POLR1F: variants seen among roughly 807,000 people sequenced by gnomAD.
POLR1F encodes the protein RNA polymerase I subunit F, also known as DNA-directed RNA polymerase I subunit RPA43.
In POLR1F, 23 loss-of-function variants were observed where a neutral mutation model predicts 21.8. The ratio of observed to expected loss-of-function variants is 1.05; its 90% CI spans 0.76 to 1.49. POLR1F has a LOEUF of 1.49. POLR1F is among the 40% of genes most tolerant of loss of function. POLR1F has a pLI of 0.00. For synonymous variants in POLR1F, 162 were observed against 152.8 expected (o/e 1.06, Z -0.45); for missense variants, 435 against 412.1 (o/e 1.06, Z -0.48).
At position 19,700,249 on chromosome 7, in the gene POLR1F, A is replaced by G; in HGVS notation, c.428T>C (p.Ile143Thr). The change falls in exon 3 of 4, where the codon ATT becomes ACT. Residue 143 changes from isoleucine (I) to threonine (T), a missense_variant. Physicochemically the swap from Ile to Thr is moderately conservative, Grantham distance 89. Coordinates refer to ENST00000222567, the MANE Select transcript of POLR1F (RefSeq NM_001002926.2). ...GAAACACCCATGTACTAAACAGCCA[A>G]TGTGGCTAGAAGACACTTTATTAAC... Reference protein sequence around the residue: ...GIVNKVSSSHIGCLVHGCFNA... With the variant: ...GIVNKVSSSHTGCLVHGCFNA... The G allele has an allele frequency of 6.8e-6, 11 of 1,613,828 alleles. No individual in the cohort carries two copies. The highest frequency in any genetic ancestry group is 1.1e-5 in the South Asian group (1 of 91,086).
chr7:19,696,237 C>T lies in POLR1F; in HGVS notation c.*2079G>A, dbSNP rs557718121. ...AAACAATGAACAAAGTTATGCTATT[C>T]TAGGAAAGACAAATGGCCAGATCTG... On this transcript the variant is annotated 3_prime_UTR_variant, in exon 4 of 4. Transcript: ENST00000222567. 2.6e-5 allele frequency: 4 copies of T among 152,030 alleles called. No homozygotes were observed. The highest frequency in any genetic ancestry group is 5.9e-5 in the Non-Finnish European group (4 of 67,934). The allele number at this position is 152,030 out of a possible 1,614,324, so 9.4% of individuals were successfully genotyped here.
chr7:19,702,787 T>C (rs954369675), intron 2 of POLR1F, among the ~76,000 whole-genome samples: 24 of 151,958 alleles, frequency 1.6e-4, no homozygotes, highest in African/African-American at 5.3e-4. Flanking sequence ...ATATGAAAAA[T>C]TGCTTATGAG....
chr7:19,708,939 C>G lies in POLR1F; in HGVS notation c.78G>C (p.Leu26=). 1 of 1,613,160 alleles carries G rather than the reference C, an allele frequency of 6.2e-7. No homozygotes were observed. The highest frequency in any genetic ancestry group is 1.1e-5 in the South Asian group (1 of 91,076). ...DGSLVGQAGV[L]PCLELPTYAA... The stretch of plus-strand genomic sequence containing the variant: ...CATAAGTCGGCAACTCTAGGCAAGG[C>G]AGGACGCCAGCCTGCCCTACCAGAG... The change falls in exon 1 of 4, where the codon CTG becomes CTC. Residue 26 remains leucine (L), a synonymous_variant. Transcript: ENST00000222567.
chr7:19,707,360 C>A (rs1217267798), intron 1 of POLR1F, among the ~76,000 whole-genome samples: 1 of 152,084 alleles, frequency 6.6e-6, no homozygotes, highest in African/African-American at 2.4e-5. Context: ...AAAGGAAAAA[C>A]AACAACAACC....
In POLR1F at chr7:19,697,175, G is replaced by C. The variant is rs562034313; in HGVS notation, c.*1141C>G. ...TGCAGATACTAACACAGGTAACAGT[G>C]AGTGAACAATCCTCCCCCTTTTTTT... is the stretch of plus-strand genomic sequence containing the variant. On this transcript the variant is annotated 3_prime_UTR_variant, in exon 4 of 4. Coordinates refer to ENST00000222567, the MANE Select transcript of POLR1F (RefSeq NM_001002926.2). 6.6e-6 allele frequency: 1 copy of C among 152,206 alleles called. No homozygotes were observed. The highest frequency in any genetic ancestry group is 2.1e-4 in the South Asian group (1 of 4,824). 9.4% of individuals were successfully genotyped at this position (152,206 alleles called of 1,614,324 possible).
At chr7:19,705,720 T>G (rs1006545033) in intron 1 of POLR1F, among the ~76,000 whole-genome samples, 49 of 152,192 alleles carry the variant, frequency 3.2e-4, no homozygotes, top group African/African-American at 1.1e-3. Flanking sequence ...TTTCAAACTG[T>G]TATTTCTTAG....
rs138273733 is a variant in POLR1F, at chr7:19,697,481, C to G, written c.*835G>C. On this transcript the variant is annotated 3_prime_UTR_variant, in exon 4 of 4. Transcript: ENST00000222567. ...ACATTTTCTCAATGAAAGCAGTGAA[C>G]AGAACAACTGTTTTCTCTTCAGCAC... The G allele has an allele frequency of 6.6e-6, 1 of 152,088 alleles. No homozygotes were observed. The highest frequency in any genetic ancestry group is 2.4e-5 in the African/African-American group (1 of 41,422). 9.4% of individuals were successfully genotyped at this position (152,088 alleles called of 1,614,324 possible). A position where few individuals can be genotyped will look rare whatever the true frequency, so the allele number is the denominator to read the frequency against.
At chr7:19,705,588 A>G (rs1343809910) in intron 1 of POLR1F, among the ~76,000 whole-genome samples, 1 of 152,244 alleles carries the variant, frequency 6.6e-6, no homozygotes, top group Non-Finnish European at 1.5e-5. Context: ...ATGACTTAAT[A>G]GAGAAAATCC....
rs1042470062 is a variant in POLR1F, at chr7:19,696,429, T to C, written c.*1887A>G. 1.3e-5 allele frequency: 2 copies of C among 152,074 alleles called. No individual in the cohort carries two copies. The highest frequency in any genetic ancestry group is 1.3e-4 in the Admixed American group (2 of 15,264). The allele number at this position is 152,074 out of a possible 1,614,324, so 9.4% of individuals were successfully genotyped here. On this transcript the variant is annotated 3_prime_UTR_variant, in exon 4 of 4. Transcript: ENST00000222567. ...TTATTTGCTAAGCCACAATGTATTTTTCCAGGAATAGCATAAATTTGCCAT... is the reference window on the plus strand; with the variant it reads ...TTATTTGCTAAGCCACAATGTATTTCTCCAGGAATAGCATAAATTTGCCAT...
chr7:19,705,150 G>T (rs1783503910), intron 1 of POLR1F, among the ~76,000 whole-genome samples: 1 of 152,046 alleles, frequency 6.6e-6, no homozygotes, highest in Admixed American at 6.6e-5. Context: ...TTTTCATACT[G>T]ATTAGATATT....
intron 1 of POLR1F, 47 bp downstream of exon 1, chr7:19,708,716 C>CT: frequency 6.4e-7 from 1 of 1,574,784 alleles, no homozygotes; most frequent in Non-Finnish European, 8.7e-7. Context: ...CATCCACCTG[C>CT]TTTACTTCCC....
chr7:19,698,265 T>C lies in POLR1F; in HGVS notation c.*51A>G, dbSNP rs773650523. The C allele has an allele frequency of 9.8e-6, 14 of 1,435,570 alleles. No homozygotes were observed. The highest frequency in any genetic ancestry group is 1.1e-5 in the Non-Finnish European group (12 of 1,088,378). 88.9% of individuals were successfully genotyped at this position (1,435,570 alleles called of 1,614,324 possible). On this transcript the variant is annotated 3_prime_UTR_variant, in exon 4 of 4. Transcript: ENST00000222567. Reference sequence around the variant, plus strand: ...TCATATCACTGAAAACATTTATTCATCTATTGTATGTAGATCGATCTTTTA... The same window carrying C: ...TCATATCACTGAAAACATTTATTCACCTATTGTATGTAGATCGATCTTTTA...
At position 19,698,220 on chromosome 7, in the gene POLR1F, T is replaced by C. The variant is rs1783398160; in HGVS notation, c.*96A>G. The C allele has an allele frequency of 1.2e-5, 14 of 1,158,232 alleles. No homozygotes were observed. In the South Asian group the frequency reaches 3.4e-4, roughly 28 times the overall value. The allele number at this position is 1,158,232 out of a possible 1,614,324, so 71.7% of individuals were successfully genotyped here. A position where few individuals can be genotyped will look rare whatever the true frequency, so the allele number is the denominator to read the frequency against. The stretch of plus-strand genomic sequence containing the variant: ...GTTAAGTATTTTCTGTTTTGTAAAC[T>C]ACTGGCATACTTAACCTTTTCATAT... On this transcript the variant is annotated 3_prime_UTR_variant, in exon 4 of 4. Coordinates refer to ENST00000222567, the MANE Select transcript of POLR1F (RefSeq NM_001002926.2).
At position 19,698,122 on chromosome 7, in the gene POLR1F, A is replaced by T; in HGVS notation, c.*194T>A. 1 of 449,252 alleles carries T rather than the reference A, an allele frequency of 2.2e-6. No individual in the cohort carries two copies. Among genetic ancestry groups the T allele is most frequent in the Non-Finnish European group, 3.8e-6 (1 of 265,630 alleles). 27.8% of individuals were successfully genotyped at this position (449,252 alleles called of 1,614,324 possible). On this transcript the variant is annotated 3_prime_UTR_variant, in exon 4 of 4. Transcript: ENST00000222567. ...TTATTTTGTATAAAATGGTATTTTA[A>T]CAATACTGGCTTTCCCCAAATTAAT...
At position 19,704,892 on chromosome 7, in the gene POLR1F, TATC is replaced by T; in HGVS notation, c.280_282del (p.Asp94del). ...CCAAGCTCTCCCACAACTTTGATGT[TATC>T]ATATGCAATAGGGACACCTAAAAGG... On this transcript the variant is annotated inframe_deletion, in exon 2 of 4. Transcript: ENST00000222567. The T allele has an allele frequency of 6.2e-7, 1 of 1,603,156 alleles. No individual in the cohort carries two copies. The highest frequency in any genetic ancestry group is 8.5e-7 in the Non-Finnish European group (1 of 1,176,538).
rs1423261334 is a variant in POLR1F, at chr7:19,696,901, C to T, written c.*1415G>A. 2 of 152,080 alleles carry T rather than the reference C, an allele frequency of 1.3e-5. No individual in the cohort carries two copies. Among genetic ancestry groups the T allele is most frequent in the Non-Finnish European group, 1.5e-5 (1 of 67,936 alleles). 9.4% of individuals were successfully genotyped at this position (152,080 alleles called of 1,614,324 possible). A position where few individuals can be genotyped will look rare whatever the true frequency, so the allele number is the denominator to read the frequency against. On this transcript the variant is annotated 3_prime_UTR_variant, in exon 4 of 4. Transcript: ENST00000222567. Reference sequence around the variant, plus strand: ...CTACATTTCCAGGGCTCAATAGTCACATGAATCTCAATTGTAATCAAAGAG... The same window carrying T: ...CTACATTTCCAGGGCTCAATAGTCATATGAATCTCAATTGTAATCAAAGAG...
intron 2 of POLR1F, 156 bp from the exon 3 acceptor site, chr7:19,700,436 TACC>T (rs1783433622): frequency 1.6e-6 from 1 of 617,270 alleles, no homozygotes; most frequent in African/African-American, 1.8e-5. Context: ...AATTAAAACT[TACC>T]ACATGTCATG....
Position 19,708,858 on chromosome 7 carries a change from G to A in POLR1F, c.159C>T (p.His53=), listed in dbSNP as rs760352981. 6.2e-7 allele frequency: 1 copy of A among 1,614,206 alleles called. No individual in the cohort carries two copies. Among genetic ancestry groups the A allele is most frequent in the East Asian group, 2.2e-5 (1 of 44,878 alleles). The change falls in exon 1 of 4, where the codon CAC becomes CAT. Residue 53 remains histidine, a synonymous_variant. Transcript: ENST00000222567. ...SRYSCLVAGP[H]QRHIALSPRY... ...GGGGCGACAGCGCGATGTGCCTTTG[G>A]TGCGGCCCGGCCACCAGGCATGAGT...
Position 19,697,266 on chromosome 7 carries a change from A to T in POLR1F, c.*1050T>A, listed in dbSNP as rs1300309857. 1 of 152,096 alleles carries T rather than the reference A, an allele frequency of 6.6e-6. No homozygotes were observed. Among genetic ancestry groups the T allele is most frequent in the Non-Finnish European group, 1.5e-5 (1 of 67,978 alleles). The allele number at this position is 152,096 out of a possible 1,614,324, so 9.4% of individuals were successfully genotyped here. On this transcript the variant is annotated 3_prime_UTR_variant, in exon 4 of 4. Transcript: ENST00000222567. ...GTGTATATGCACATCTGTTTCTCTT[A>T]TGACATGCCACAAGGGAAGGAACTA...
Sources: allele counts gnomAD v4.1 joint callset (sites outside exome capture counted in the v4.1 genomes callset), GRCh38; gene constraint gnomAD v4.1.1; transcripts MANE v1.5; gene names NCBI Gene and HGNC (gene_info 2026-07-23, HGNC 2026-07-21).